THSD7A: variants seen among roughly 807,000 people sequenced by gnomAD.
THSD7A encodes the protein thrombospondin type 1 domain containing 7A.
A neutral mutation model predicts 231.3 loss-of-function variants in THSD7A; 96 were observed. That is an observed-to-expected ratio of 0.41 (90% CI 0.35 to 0.49). The LOEUF (loss-of-function observed/expected upper bound fraction) is 0.49, where lower values mean the gene tolerates loss of function less well. THSD7A is among the 20% of genes least tolerant of loss of function. THSD7A has a pLI of 0.05. For synonymous variants in THSD7A, 940 were observed against 743.3 expected (o/e 1.26, Z -4.30); for missense variants, 2,290 against 2,070.2 (o/e 1.11, Z -2.06).
chr7:11,447,149 TG>T, intron 12 of THSD7A, 80 bp downstream of exon 12: 1 of 1,323,668 alleles, frequency 7.6e-7, no homozygotes, highest in South Asian at 1.3e-5. Context: ...TCAAATACAC[TG>T]TCAGAATTCT....
intron 1 of THSD7A, among the ~76,000 whole-genome samples, chr7:11,710,394 A>C (rs1338533793): frequency 2.0e-5 from 3 of 150,944 alleles, no homozygotes; most frequent in African/African-American, 7.3e-5. Context: ...AATAACTCTG[A>C]TTTTGTTCAA....
At chr7:11,614,328 A>G (rs189328972) in intron 2 of THSD7A, among the ~76,000 whole-genome samples, 119 of 152,304 alleles carry the variant, frequency 7.8e-4, no homozygotes, top group Non-Finnish European at 1.6e-3. Flanking sequence ...GAGGCAGCCA[A>G]CAAGCTGTCT....
intron 24 of THSD7A, among the ~76,000 whole-genome samples, chr7:11,381,772 A>C (rs997789509): frequency 5.3e-5 from 8 of 152,082 alleles, no homozygotes. Flanking sequence ...TTTCTAGGAA[A>C]TTTGCTTGGT....
chr7:11,575,194 G>A (rs192808511), intron 4 of THSD7A, among the ~76,000 whole-genome samples: 32 of 152,056 alleles, frequency 2.1e-4, no homozygotes, highest in African/African-American at 6.0e-4. Flanking sequence ...TCAAATTAAC[G>A]CATTTTGATC....
intron 13 of THSD7A, among the ~76,000 whole-genome samples, chr7:11,445,693 C>A (rs1290904577): frequency 6.6e-6 from 1 of 152,018 alleles, no homozygotes. Context: ...TGATTCAAAT[C>A]TTATTTCCTC....
intron 1 of THSD7A, among the ~76,000 whole-genome samples, chr7:11,727,391 T>G (rs1468453086): frequency 2.0e-5 from 3 of 151,870 alleles, no homozygotes; most frequent in Non-Finnish European, 4.4e-5. Flanking sequence ...CTACAAAGAG[T>G]TTGAAATCAC....
chr7:11,795,492 A>G (rs1171727887), intron 1 of THSD7A, among the ~76,000 whole-genome samples: 2 of 151,956 alleles, frequency 1.3e-5, no homozygotes, highest in African/African-American at 4.8e-5. Flanking sequence ...TTTCCCGGGA[A>G]TGACATGACG....
intron 7 of THSD7A, among the ~76,000 whole-genome samples, chr7:11,480,262 G>A (rs573211459): frequency 6.2e-4 from 94 of 152,240 alleles, no homozygotes; most frequent in African/African-American, 1.8e-3. Context: ...TGACCTTTCC[G>A]TGTGAAGCAT....
chr7:11,524,010 A>G (rs2128317157), intron 6 of THSD7A, among the ~76,000 whole-genome samples: 1 of 152,256 alleles, frequency 6.6e-6, no homozygotes, highest in South Asian at 2.1e-4. Flanking sequence ...CTACTTTTCT[A>G]TGTAAAAGTT....
At chr7:11,733,006 T>G (rs1322962509) in intron 1 of THSD7A, among the ~76,000 whole-genome samples, 1 of 151,808 alleles carries the variant, frequency 6.6e-6, no homozygotes, top group Non-Finnish European at 1.5e-5. Flanking sequence ...TTTGGTAATG[T>G]TACCAGGAAA....
intron 6 of THSD7A, among the ~76,000 whole-genome samples, chr7:11,510,518 A>G (rs1583876909): frequency 3.3e-5 from 5 of 152,300 alleles, no homozygotes; most frequent in Admixed American, 3.3e-4. Context: ...CGATGAAAAA[A>G]TCCTCAATAA....
rs766038755 is a variant in THSD7A, at chr7:11,636,471, G to A, written c.681C>T (p.Phe227=). ...RTRHVVAPPQ[F]GGSGCPNLTE... ...TCAGGTTTGGACAGCCAGAGCCTCC[G>A]AACTGCGGGGGCGCCACCACATGAC... The change falls in exon 2 of 28, where the codon TTC becomes TTT. Residue 227 remains phenylalanine (F), a synonymous_variant. Coordinates refer to ENST00000423059, the MANE Select transcript of THSD7A (RefSeq NM_015204.3). This position sits in a 1 kb window ranked among gnomAD's most constrained non-coding sequence, Gnocchi z 10.0. The A allele has an allele frequency of 5.0e-6, 8 of 1,613,656 alleles. No individual in the cohort carries two copies. The highest frequency in any genetic ancestry group is 6.8e-6 in the Non-Finnish European group (8 of 1,179,806).
At chr7:11,471,799 GA>G (rs975270686) in intron 8 of THSD7A, among the ~76,000 whole-genome samples, 16 of 152,080 alleles carry the variant, frequency 1.1e-4, no homozygotes, top group African/African-American at 3.6e-4. Flanking sequence ...TCTTAACCAG[GA>G]AACATTATAT....
chr7:11,623,816 G>A (rs868357203), intron 2 of THSD7A, among the ~76,000 whole-genome samples: 1 of 152,116 alleles, frequency 6.6e-6, no homozygotes, highest in African/African-American at 2.4e-5. Flanking sequence ...AACAAACAGA[G>A]CCTGGGATCA....
chr7:11,531,907 T>C (rs754414450), intron 6 of THSD7A, among the ~76,000 whole-genome samples: 2 of 152,166 alleles, frequency 1.3e-5, no homozygotes, highest in East Asian at 3.9e-4. Context: ...AGATTCAGTA[T>C]GTCCACAAAT....
chr7:11,731,898 T>A (rs1781748763), intron 1 of THSD7A, among the ~76,000 whole-genome samples: 1 of 151,676 alleles, frequency 6.6e-6, no homozygotes, highest in Non-Finnish European at 1.5e-5. Context: ...TTTTAATTGT[T>A]ATCAAAATTA....
rs1481249903 is a variant in THSD7A, at chr7:11,444,658, G to A, written c.3064+1403C>T. Among the ~76,000 whole-genome samples, 1 of 151,510 alleles carries A rather than the reference G, an allele frequency of 6.6e-6. No individual in the cohort carries two copies. Among genetic ancestry groups the A allele is most frequent in the Non-Finnish European group, 1.5e-5 (1 of 67,874 alleles). On this transcript the variant is annotated intron_variant, in intron 13 of 27. Coordinates refer to ENST00000423059, the MANE Select transcript of THSD7A (RefSeq NM_015204.3). This position sits in a 1 kb window ranked among gnomAD's most constrained non-coding sequence, Gnocchi z 4.2. ...GGAGAAATACCTAATGTAGATGACG[G>A]GTTGATGGGTGCAGCAAACCACCAT...
chr7:11,520,461 T>C (rs1273321583), intron 6 of THSD7A, among the ~76,000 whole-genome samples: 3 of 152,166 alleles, frequency 2.0e-5, no homozygotes, highest in South Asian at 2.1e-4. Context: ...TATACCTTTT[T>C]CTTGACAATT....
In THSD7A at chr7:11,376,669, G is replaced by A. The variant is rs767364682; in HGVS notation, c.4802-12C>T. The A allele has an allele frequency of 3.9e-6, 6 of 1,553,564 alleles. No individual in the cohort carries two copies. The highest frequency in any genetic ancestry group is 3.5e-6 in the Non-Finnish European group (4 of 1,145,272). On this transcript the variant is annotated splice_polypyrimidine_tract_variant and intron_variant, in intron 26 of 27. Transcript: ENST00000423059. ...CTTTAGTCTCCCATCTAAGAAGAAT[G>A]GATATTAGTTATTAATTTACATTAG... is the stretch of plus-strand genomic sequence containing the variant.
Sources: allele counts gnomAD v4.1 joint callset (sites outside exome capture counted in the v4.1 genomes callset), GRCh38; gene constraint gnomAD v4.1.1; non-coding constraint Gnocchi (gnomAD v3.1); transcripts MANE v1.5; gene names NCBI Gene and HGNC (gene_info 2026-07-23, HGNC 2026-07-21).